Variants in UNC13C observed in about 807,000 individuals in gnomAD.
The protein encoded by UNC13C is unc-13 homolog C.
UNC13C carries 174 observed loss-of-function variants against 245.4 expected under a neutral mutation model. The ratio of observed to expected loss-of-function variants is 0.71; its 90% CI spans 0.63 to 0.80. The LOEUF is 0.80. Ranked by LOEUF, UNC13C falls within the 30% of genes least tolerant of loss-of-function variation. The pLI, the probability that UNC13C is intolerant of heterozygous loss-of-function variation, is 0.00. For synonymous variants in UNC13C, 992 were observed against 895.1 expected, an observed-to-expected ratio of 1.11 and a Z score of -1.93; for missense variants, 2,829 against 2,602.9, an observed-to-expected ratio of 1.09 and a Z score of -1.89.
Position 54,013,167 on chromosome 15 carries a change from C to T in UNC13C, c.264C>T (p.Leu88=), listed in dbSNP as rs1372413562. The T allele has an allele frequency of 1.9e-6, 3 of 1,613,864 alleles. No individual in the cohort carries two copies. The highest frequency in any genetic ancestry group is 1.7e-5 in the Admixed American group (1 of 59,942). ...ACGAGGCCAGTAAAGAGTTTTCCCT[C>T]TCACCAACATTCAGTTACCGAGTAG... The part of the protein sequence containing the change: ...EEDEASKEFS[L]SPTFSYRVAI... Residue 88 remains leucine (L), a synonymous_variant, in exon 2 of 33, where the codon CTC becomes CTT. Coordinates refer to ENST00000260323, the MANE Select transcript of UNC13C (RefSeq NM_001080534.3).
chr15:54,356,289 T>C (rs2039092579), intron 17 of UNC13C, among the ~76,000 whole-genome samples: 1 of 152,238 alleles, frequency 6.6e-6, no homozygotes, highest in Non-Finnish European at 1.5e-5. Context: ...TTGGGAATTT[T>C]AGTAGATACC....
At chr15:54,478,796 G>T (rs949948831) in intron 19 of UNC13C, among the ~76,000 whole-genome samples, 4 of 152,040 alleles carry the variant, frequency 2.6e-5, no homozygotes, top group Non-Finnish European at 5.9e-5. Context: ...TGTTGATTTG[G>T]GGTGGAGAGT....
At chr15:54,486,250 A>AAC (rs59221050) in intron 19 of UNC13C, among the ~76,000 whole-genome samples, 9,464 of 131,904 alleles carry the variant, frequency 0.072, 358 homozygotes, top group South Asian at 0.094. Flanking sequence ...GATCTATTAA[A>AAC]ACACACACAC....
At chr15:54,215,328 C>G (rs901746017) in intron 4 of UNC13C, among the ~76,000 whole-genome samples, 14 of 151,840 alleles carry the variant, frequency 9.2e-5, no homozygotes, top group African/African-American at 3.4e-4. Flanking sequence ...ATTTGTTTTT[C>G]TCTGAAAAAT....
intron 5 of UNC13C, among the ~76,000 whole-genome samples, chr15:54,235,799 G>C (rs1236983215): frequency 6.6e-6 from 1 of 152,068 alleles, no homozygotes; most frequent in African/African-American, 2.4e-5. Flanking sequence ...TGCGTGAGCC[G>C]AGATTGCGCC....
chr15:53,896,772 T>C, the UNC13C span, among the ~76,000 whole-genome samples: 54 of 152,260 alleles, frequency 3.5e-4, no homozygotes, highest in African/African-American at 1.2e-3. Flanking sequence ...CTATCCCATA[T>C]TCTTTAGCAA....
At chr15:54,034,130 C>G (rs1896476160) in intron 2 of UNC13C, among the ~76,000 whole-genome samples, 1 of 152,202 alleles carries the variant, frequency 6.6e-6, no homozygotes, top group African/African-American at 2.4e-5. Flanking sequence ...GATCACCCAG[C>G]CTTCTTTGCC....
At chr15:54,219,485 C>G (rs896529543) in intron 4 of UNC13C, among the ~76,000 whole-genome samples, 1 of 151,218 alleles carries the variant, frequency 6.6e-6, no homozygotes, top group Non-Finnish European at 1.5e-5. Flanking sequence ...AGACCTAAAA[C>G]CATAAAAACC....
intron 2 of UNC13C, among the ~76,000 whole-genome samples, chr15:54,076,390 A>G (rs1256075297): frequency 6.6e-6 from 1 of 151,602 alleles, no homozygotes; most frequent in Non-Finnish European, 1.5e-5. Flanking sequence ...TAGTTTACTG[A>G]GAATGATGGT....
the UNC13C span, among the ~76,000 whole-genome samples, chr15:53,871,352 C>G: frequency 6.6e-6 from 1 of 152,136 alleles, no homozygotes; most frequent in African/African-American, 2.4e-5. Context: ...TCTTAACTCC[C>G]CCTGACTAAC....
At chr15:54,562,787 A>T (rs1397176200) in intron 29 of UNC13C, among the ~76,000 whole-genome samples, 1 of 151,962 alleles carries the variant, frequency 6.6e-6, no homozygotes, top group African/African-American at 2.4e-5. Context: ...GACCTTATGA[A>T]ATTCTGGTCA....
chr15:54,221,930 T>G (rs2140785574), intron 4 of UNC13C, among the ~76,000 whole-genome samples: 1 of 152,160 alleles, frequency 6.6e-6, no homozygotes, highest in African/African-American at 2.4e-5. Context: ...GCTTGATAGT[T>G]TTTTGGGAAT....
chr15:54,074,816 T>C (rs1898508677), intron 2 of UNC13C, among the ~76,000 whole-genome samples: 1 of 152,180 alleles, frequency 6.6e-6, no homozygotes, highest in African/African-American at 2.4e-5. Flanking sequence ...TCATGTCATC[T>C]GCAAACAGAG....
intron 19 of UNC13C, among the ~76,000 whole-genome samples, chr15:54,456,367 T>C (rs922321408): frequency 6.6e-6 from 1 of 152,062 alleles, no homozygotes; most frequent in Non-Finnish European, 1.5e-5. Flanking sequence ...ACTTTAGGAT[T>C]GTTCTTTTCT....
chr15:54,117,938 T>C (rs538077412), intron 2 of UNC13C, among the ~76,000 whole-genome samples: 54 of 152,272 alleles, frequency 3.5e-4, no homozygotes, highest in African/African-American at 1.3e-3. Flanking sequence ...GGCATCTTTG[T>C]TGAAAATGTG....
intron 13 of UNC13C, among the ~76,000 whole-genome samples, chr15:54,313,497 C>G (rs1165499113): frequency 2.6e-5 from 4 of 151,726 alleles, no homozygotes; most frequent in African/African-American, 4.8e-5. Context: ...TTAAGAGTCT[C>G]TTTGTAACCT....
chr15:54,185,413 T>G (rs1040308477), intron 4 of UNC13C, among the ~76,000 whole-genome samples: 7 of 150,142 alleles, frequency 4.7e-5, no homozygotes, highest in East Asian at 1.9e-4. Flanking sequence ...GGTCTAACAT[T>G]TAAGTCTTTA....
intron 17 of UNC13C, among the ~76,000 whole-genome samples, chr15:54,355,988 A>T (rs1371793241): frequency 6.6e-6 from 1 of 152,224 alleles, no homozygotes; most frequent in Non-Finnish European, 1.5e-5. Context: ...GTAGCATATT[A>T]TACATACTCT....
At chr15:54,577,833 C>T (rs541797042) in intron 30 of UNC13C, among the ~76,000 whole-genome samples, 4 of 152,312 alleles carry the variant, frequency 2.6e-5, no homozygotes, top group Admixed American at 6.5e-5. Context: ...TATTTATACT[C>T]TGATACTTGA....
Sources: gnomAD v4.1 joint callset for allele counts (sites outside exome capture counted in the v4.1 genomes callset) on GRCh38, gnomAD v4.1.1 for gene constraint, MANE v1.5 for transcripts, NCBI Gene and HGNC (gene_info 2026-07-23, HGNC 2026-07-21) for gene names.